Variants in FBXO22 observed in about 807,000 individuals in gnomAD.
FBXO22 encodes F-box only protein 22.
Under a neutral mutation model 37.2 loss-of-function variants are expected in FBXO22, and 13 were observed. The ratio of observed to expected loss-of-function variants is 0.35; its 90% CI spans 0.23 to 0.56. FBXO22 has a LOEUF of 0.56. Ranked by LOEUF, FBXO22 falls within the 20% of genes least tolerant of loss-of-function variation. FBXO22 has a pLI of 0.87. For synonymous variants in FBXO22, 189 were observed against 189.1 expected, an observed-to-expected ratio of 1.00 and a Z score of 0.00; for missense variants, 446 against 509.9, an observed-to-expected ratio of 0.87 and a Z score of 1.21.
intron 6 of FBXO22, among the ~76,000 whole-genome samples, chr15:75,931,594 T>A (rs1212081085): frequency 6.6e-6 from 1 of 152,248 alleles, no homozygotes; most frequent in Non-Finnish European, 1.5e-5. Context: ...ACTTAACCTT[T>A]TTGCGTCTTA....
At chr15:75,918,186 GTTA>G (rs1326981727) in intron 5 of FBXO22, among the ~76,000 whole-genome samples, 1 of 152,106 alleles carries the variant, frequency 6.6e-6, no homozygotes, top group Non-Finnish European at 1.5e-5. Flanking sequence ...ATAAACCTCT[GTTA>G]TTTGAAATGG....
rs182228924 is a variant in FBXO22 at position 75,911,451 on chromosome 15, A to G, written c.280-1752A>G. ...CTCTCTTATTTCCTTGAGCAGTGGT[A>G]TGTAGTACTCCTTGAAGAGGTCCTT... On this transcript the variant is annotated intron_variant, in intron 2 of 6. Coordinates refer to ENST00000308275, the MANE Select transcript of FBXO22 (RefSeq NM_147188.3). Among the ~76,000 whole-genome samples the G allele has an allele frequency of 7.6e-3, 1,155 of 152,070 alleles. 8 individuals carry two copies. Among genetic ancestry groups the G allele is most frequent in the Admixed American group, 0.014 (208 of 15,260 alleles).
chr15:75,919,795 A>G (rs914389855), intron 5 of FBXO22, among the ~76,000 whole-genome samples: 4 of 152,232 alleles, frequency 2.6e-5, no homozygotes, highest in Non-Finnish European at 5.9e-5. Context: ...TTCAGAAGCC[A>G]CATGCCAGAG....
rs781725457 is a variant in FBXO22, at chr15:75,913,212, A to G, written c.289A>G (p.Ile97Val). ...TTTTTTTTCTTTGCAGAATGTTCGCATCTTACCACATACAGTTCTTTACAT... is the reference window on the plus strand; with the variant it reads ...TTTTTTTTCTTTGCAGAATGTTCGCGTCTTACCACATACAGTTCTTTACAT... Reference protein sequence around the residue: ...VVAEELENVRILPHTVLYMAD... With the variant: ...VVAEELENVRVLPHTVLYMAD... Residue 97 changes from isoleucine (I) to valine (V), a missense_variant, in exon 3 of 7, where the codon ATC becomes GTC. Ile to Val is a conservative substitution (Grantham distance 29). Around this residue, in one of 2 missense-constraint regions of FBXO22, gnomAD observed 315 missense variants for 410.1 expected, o/e 0.77. Transcript: ENST00000308275. The G allele has an allele frequency of 6.2e-7, 1 of 1,607,590 alleles. No homozygotes were observed. Among genetic ancestry groups the G allele is most frequent in the South Asian group, 1.1e-5 (1 of 90,874 alleles).
At position 75,933,053 on chromosome 15, in the gene FBXO22, A is replaced by G; in HGVS notation, c.1163A>G (p.His388Arg). 1 of 1,614,192 alleles carries G rather than the reference A, an allele frequency of 6.2e-7. No homozygotes were observed. Among genetic ancestry groups the G allele is most frequent in the Non-Finnish European group, 8.5e-7 (1 of 1,180,034 alleles). Residue 388 changes from histidine (H) to arginine (R), a missense_variant, in exon 7 of 7, where the codon CAT becomes CGT. Transcript: ENST00000308275. ...GAGGTAAAAGATGATGATCTGTTTC[A>G]TAGCTATACAACAATAATGGCACTC... ...CNEVKDDDLFHSYTTIMALIH... is the reference protein window; with the variant it reads ...CNEVKDDDLFRSYTTIMALIH...
At chr15:75,920,466 T>C (rs142488860) in intron 5 of FBXO22, among the ~76,000 whole-genome samples, 2 of 152,296 alleles carry the variant, frequency 1.3e-5, no homozygotes, top group East Asian at 3.9e-4. Flanking sequence ...AGATGATCAA[T>C]GTGTTGATGT....
At chr15:75,904,354 C>G in intron 1 of FBXO22, 137 bp from the exon 2 acceptor site, 3 of 1,328,426 alleles carry the variant, frequency 2.3e-6, no homozygotes, top group Non-Finnish European at 3.2e-6. Context: ...AGCGCCCTGA[C>G]TGACACCTAC....
At chr15:75,922,035 AC>A (rs1748179464) in intron 5 of FBXO22, among the ~76,000 whole-genome samples, 1 of 152,030 alleles carries the variant, frequency 6.6e-6, no homozygotes. Context: ...CTCTAAAATT[AC>A]AATTAAAAGT....
intron 4 of FBXO22, among the ~76,000 whole-genome samples, chr15:75,915,768 C>T (rs71403522): frequency 0.2 from 29,914 of 151,730 alleles, 3,342 homozygotes; most frequent in Admixed American, 0.29. Flanking sequence ...GGCATGATGG[C>T]GGGCACCTGT....
intron 4 of FBXO22, 84 bp from the exon 5 acceptor site, chr15:75,917,146 C>G: frequency 4.1e-6 from 4 of 965,538 alleles, no homozygotes; most frequent in South Asian, 3.3e-5. Flanking sequence ...GGCTTGTTAG[C>G]TTAATGATTA....
rs71444942 is a variant in FBXO22 at position 75,940,453 on chromosome 15, A to ATTTTT, written c.*7364_*7368dup. The ATTTTT allele has an allele frequency of 7.1e-6, 1 of 140,212 alleles. No homozygotes were observed. Among genetic ancestry groups the ATTTTT allele is most frequent in the African/African-American group, 2.6e-5 (1 of 38,102 alleles). 8.7% of individuals were successfully genotyped at this position (140,212 alleles called of 1,614,324 possible). ...CTACAGTCTCTATCAGAATCCTAGGATTTTTTTTTTTTTTTTTGCAGAAAT... is the reference window on the plus strand; with the variant it reads ...CTACAGTCTCTATCAGAATCCTAGGATTTTTTTTTTTTTTTTTTTTTTGCAGAAAT... On this transcript the variant is annotated 3_prime_UTR_variant, in exon 7 of 7. Coordinates refer to ENST00000308275, the MANE Select transcript of FBXO22 (RefSeq NM_147188.3).
chr15:75,941,960 A>AAAACC lies in FBXO22; in HGVS notation c.*8859_*8860insAACCA, dbSNP rs142812746. ...ACCACCAAAAAAAAAAAAAAAAAAA[A>AAAACC]ATATGGCCTAGCTTTTTTTTTTTTT... is the stretch of plus-strand genomic sequence containing the variant. On this transcript the variant is annotated 3_prime_UTR_variant, in exon 7 of 7. Coordinates refer to ENST00000308275, the MANE Select transcript of FBXO22 (RefSeq NM_147188.3). The AAAACC allele has an allele frequency of 1.4e-4, 13 of 93,780 alleles. No individual in the cohort carries two copies. The highest frequency in any genetic ancestry group is 4.6e-4 in the African/African-American group (12 of 25,808). 5.8% of individuals were successfully genotyped at this position (93,780 alleles called of 1,614,324 possible). A position where few individuals can be genotyped will look rare whatever the true frequency, so the allele number is the denominator to read the frequency against.
At position 75,927,114 on chromosome 15, in the gene FBXO22, G is replaced by A. The variant is rs531952192; in HGVS notation, c.629-2770G>A. Among the ~76,000 whole-genome samples the A allele has an allele frequency of 3.4e-4, 52 of 152,316 alleles. 1 individual carries two copies. The South Asian group carries it at 9.9e-3, about 29-fold the overall frequency. On this transcript the variant is annotated intron_variant, in intron 5 of 6. Transcript: ENST00000308275. ...GCCTTTTGCCTTTCCTGGTCGGGGG[G>A]AGGGGTGTGAGGCGGTAGGTCTGGC...
intron 5 of FBXO22, among the ~76,000 whole-genome samples, chr15:75,923,126 T>A (rs78060086): frequency 0.021 from 3,259 of 152,252 alleles, 139 homozygotes; most frequent in African/African-American, 0.075. Flanking sequence ...TGGGAATCTT[T>A]GATGAGGCCC....
In FBXO22 at chr15:75,904,039, C is replaced by A. The variant is rs764897997; in HGVS notation, c.76C>A (p.Leu26Met). The change falls in exon 1 of 7, where the codon CTG becomes ATG. Residue 26 changes from leucine (L) to methionine (M), a missense_variant. By Grantham distance (15) the Leu-to-Met change is conservative. This residue lies in a region of FBXO22 where 131 missense variants were observed against 99.8 expected (regional missense o/e 1.31). Transcript: ENST00000308275. ...GCGGAGCACCTTCGTGTTGAGTAACCTGGCGGAGGTGGTGGAGCGTGTGCT... is the reference window on the plus strand; with the variant it reads ...GCGGAGCACCTTCGTGTTGAGTAACATGGCGGAGGTGGTGGAGCGTGTGCT... Reference protein sequence around the residue: ...DPRSTFVLSNLAEVVERVLTF... With the variant: ...DPRSTFVLSNMAEVVERVLTF... 1.3e-6 allele frequency: 2 copies of A among 1,568,222 alleles called. No individual in the cohort carries two copies. The highest frequency in any genetic ancestry group is 4.7e-5 in the East Asian group (2 of 42,730).
chr15:75,911,706 GCAAA>G (rs1351453504), intron 2 of FBXO22, among the ~76,000 whole-genome samples: 2 of 151,940 alleles, frequency 1.3e-5, no homozygotes, highest in Non-Finnish European at 2.9e-5. Flanking sequence ...CATGTCATCT[GCAAA>G]CAGAGACAAT....
intron 5 of FBXO22, among the ~76,000 whole-genome samples, chr15:75,925,466 A>G (rs1212391479): frequency 6.6e-6 from 1 of 151,456 alleles, no homozygotes; most frequent in Non-Finnish European, 1.5e-5. Context: ...GGTAAAATAG[A>G]ACTTTAATGA....
chr15:75,933,749 T>C lies in FBXO22; in HGVS notation c.*647T>C. On this transcript the variant is annotated 3_prime_UTR_variant, in exon 7 of 7. Transcript: ENST00000308275. ...TATTTTTTTTTCACCTAGGTCTAAA[T>C]AGCTAACTAACTGGTAGACCAGAGT... 3.1e-6 allele frequency: 1 copy of C among 319,550 alleles called. No homozygotes were observed. Among genetic ancestry groups the C allele is most frequent in the South Asian group, 2.6e-5 (1 of 38,886 alleles). The allele number at this position is 319,550 out of a possible 1,614,324, so 19.8% of individuals were successfully genotyped here. A position where few individuals can be genotyped will look rare whatever the true frequency, so the allele number is the denominator to read the frequency against.
intron 2 of FBXO22, among the ~76,000 whole-genome samples, chr15:75,912,516 G>T (rs145642230): frequency 3.0e-4 from 46 of 152,238 alleles, no homozygotes; most frequent in African/African-American, 1.0e-3. Flanking sequence ...ATGTGTCCAG[G>T]AATTTATCCA....
Sources: gnomAD v4.1 joint callset for allele counts (sites outside exome capture counted in the v4.1 genomes callset) on GRCh38, gnomAD v4.1.1 for gene constraint, gnomAD v4.1.1 regional missense constraint, MANE v1.5 for transcripts, NCBI Gene and HGNC (gene_info 2026-07-23, HGNC 2026-07-21) for gene names.